ATXN7L1: variants seen among roughly 807,000 people sequenced by gnomAD.
ATXN7L1 encodes ataxin 7 like 1, also known as ataxin-7-like protein 1.
Under a neutral mutation model 70.8 loss-of-function variants are expected in ATXN7L1, and 15 were observed. The observed-to-expected ratio is 0.21, with a 90% CI of 0.14 to 0.33. The LOEUF (loss-of-function observed/expected upper bound fraction) is 0.33. ATXN7L1 is among the 10% of genes least tolerant of loss of function. The pLI is 1.00. For synonymous variants in ATXN7L1, 440 were observed against 445.1 expected, an observed-to-expected ratio of 0.99 and a Z score of 0.14; for missense variants, 975 against 1,097.1, an observed-to-expected ratio of 0.89 and a Z score of 1.57.
intron 3 of ATXN7L1, among the ~76,000 whole-genome samples, chr7:105,733,870 C>G (rs1584873684): frequency 6.9e-6 from 1 of 144,486 alleles, no homozygotes; most frequent in African/African-American, 2.5e-5. Flanking sequence ...ATCCATCCAT[C>G]CATCCATCCA....
intron 3 of ATXN7L1, among the ~76,000 whole-genome samples, chr7:105,732,517 G>T (rs2116333228): frequency 6.6e-6 from 1 of 152,296 alleles, no homozygotes; most frequent in East Asian, 1.9e-4. Flanking sequence ...GATGATAGTG[G>T]AAATAAATTC....
At chr7:105,637,474 T>C (rs999682214) in intron 7 of ATXN7L1, among the ~76,000 whole-genome samples, 3 of 152,230 alleles carry the variant, frequency 2.0e-5, no homozygotes, top group African/African-American at 7.2e-5. Flanking sequence ...TGGATACTTG[T>C]ACCTCATTCT....
intron 3 of ATXN7L1, among the ~76,000 whole-genome samples, chr7:105,743,476 G>C (rs1364319371): frequency 6.6e-6 from 1 of 152,182 alleles, no homozygotes; most frequent in Non-Finnish European, 1.5e-5. Flanking sequence ...TGCATAAGGA[G>C]GCAGTTTACA....
rs73413264 is a variant in ATXN7L1 at position 105,762,626 on chromosome 7, A to T, written c.355+25978T>A. Among the ~76,000 whole-genome samples, 1,424 of 151,998 alleles carry T rather than the reference A, an allele frequency of 9.4e-3. 30 individuals are homozygous for T. Among genetic ancestry groups the T allele is most frequent in the African/African-American group, 0.032 (1,332 of 41,442 alleles). On this transcript the variant is annotated intron_variant, in intron 3 of 11. Coordinates refer to ENST00000419735, the MANE Select transcript of ATXN7L1 (RefSeq NM_020725.2). ...GGCCCCAATGGCTGCAGCCCTCCTC[A>T]TCTTTACACCAAAGGCCCTGTCAAT...
At chr7:105,679,660 A>AG (rs1381617942) in intron 3 of ATXN7L1, among the ~76,000 whole-genome samples, 3 of 152,106 alleles carry the variant, frequency 2.0e-5, no homozygotes, top group Admixed American at 1.3e-4. Flanking sequence ...GTAGATTTGG[A>AG]GGGGGGAGAA....
intron 3 of ATXN7L1, among the ~76,000 whole-genome samples, chr7:105,733,716 ATCCATCCATCCT>A (rs1310069930): frequency 1.4e-4 from 20 of 146,066 alleles, no homozygotes; most frequent in East Asian, 2.0e-4. Context: ...CCATCCACCC[ATCCATCCATCCT>A]TCCATCCATC....
chr7:105,810,723 C>T (rs1281846788), intron 2 of ATXN7L1, among the ~76,000 whole-genome samples: 1 of 152,182 alleles, frequency 6.6e-6, no homozygotes, highest in Non-Finnish European at 1.5e-5. Flanking sequence ...GGCACTGAAG[C>T]CGGGGATGGC....
chr7:105,867,768 C>T (rs1817692834), intron 2 of ATXN7L1, among the ~76,000 whole-genome samples: 1 of 152,240 alleles, frequency 6.6e-6, no homozygotes, highest in Non-Finnish European at 1.5e-5. Flanking sequence ...TCTTACCTCT[C>T]CAGCCTCACC....
chr7:105,771,975 A>G (rs1328387815), intron 3 of ATXN7L1, among the ~76,000 whole-genome samples: 1 of 152,106 alleles, frequency 6.6e-6, no homozygotes, highest in Non-Finnish European at 1.5e-5. Flanking sequence ...TATAAATTAG[A>G]AGTTAGAAAT....
intron 3 of ATXN7L1, among the ~76,000 whole-genome samples, chr7:105,682,780 A>G (rs1272909291): frequency 2.0e-5 from 3 of 152,112 alleles, no homozygotes; most frequent in African/African-American, 7.2e-5. Flanking sequence ...CAGGGGCTGT[A>G]TGTGGTGGGG....
rs563008264 is a variant in ATXN7L1 at position 105,838,519 on chromosome 7, A to T, written c.250+37293T>A. Among the ~76,000 whole-genome samples the T allele has an allele frequency of 2.0e-5, 3 of 152,294 alleles. No individual in the cohort carries two copies. The East Asian group carries it at 5.8e-4, about 29-fold the overall frequency. ...CACCCCTAGGGATTTCAGCCTTTTG[A>T]TATAAGAGGAGTGGCCTGTGCAGAA... On this transcript the variant is annotated intron_variant, in intron 2 of 11. Transcript: ENST00000419735.
intron 7 of ATXN7L1, among the ~76,000 whole-genome samples, chr7:105,630,737 A>C (rs1183534963): frequency 6.6e-6 from 1 of 151,812 alleles, no homozygotes; most frequent in Non-Finnish European, 1.5e-5. Context: ...TAAATAAATA[A>C]ATAAATAAAT....
rs571813415 is a variant in ATXN7L1, at chr7:105,703,323, A to T, written c.356-38035T>A. Among the ~76,000 whole-genome samples the T allele has an allele frequency of 4.1e-5, 6 of 147,252 alleles. No individual in the cohort carries two copies. In the East Asian group the frequency reaches 1.2e-3, roughly 29 times the overall value. The stretch of plus-strand genomic sequence containing the variant: ...TCCGTCTCAAAAAAAAAAAAAAAGC[A>T]CTTAAGTATAACTTGTATTTTATTG... On this transcript the variant is annotated intron_variant, in intron 3 of 11. Transcript: ENST00000419735.
At chr7:105,871,796 A>C (rs1818307692) in intron 2 of ATXN7L1, among the ~76,000 whole-genome samples, 1 of 152,160 alleles carries the variant, frequency 6.6e-6, no homozygotes, top group Admixed American at 6.5e-5. Context: ...TGAAAACTTT[A>C]TTACAGACAT....
chr7:105,651,288 A>G (rs999452022), intron 4 of ATXN7L1, among the ~76,000 whole-genome samples: 1 of 152,224 alleles, frequency 6.6e-6, no homozygotes, highest in Non-Finnish European at 1.5e-5. Flanking sequence ...GAGATATTTG[A>G]AGTGATTAAA....
intron 3 of ATXN7L1, among the ~76,000 whole-genome samples, chr7:105,716,754 C>A (rs1459472524): frequency 1.3e-5 from 2 of 149,650 alleles, no homozygotes; most frequent in African/African-American, 5.0e-5. Context: ...GTGGCATGCA[C>A]CTGTAGTCCC....
intron 3 of ATXN7L1, among the ~76,000 whole-genome samples, chr7:105,748,906 C>T (rs750751233): frequency 3.5e-4 from 53 of 152,080 alleles, no homozygotes; most frequent in Non-Finnish European, 6.5e-4. Flanking sequence ...AAACTGCAAA[C>T]GAAAAGAGCT....
chr7:105,795,329 C>T (rs1805829082), intron 2 of ATXN7L1, among the ~76,000 whole-genome samples: 1 of 152,234 alleles, frequency 6.6e-6, no homozygotes, highest in Non-Finnish European at 1.5e-5. Flanking sequence ...ACACTTTTGA[C>T]AAGCAAAGTC....
At chr7:105,779,275 T>A (rs1423810087) in intron 3 of ATXN7L1, among the ~76,000 whole-genome samples, 1 of 152,220 alleles carries the variant, frequency 6.6e-6, no homozygotes. Flanking sequence ...ATGGCATGAT[T>A]AAATAACACA....
Sources: allele counts gnomAD v4.1 joint callset (sites outside exome capture counted in the v4.1 genomes callset), GRCh38; gene constraint gnomAD v4.1.1; transcripts MANE v1.5; gene names NCBI Gene and HGNC (gene_info 2026-07-23, HGNC 2026-07-21).